The following PPP2R3A variants were observed in gnomAD, a reference collection of about 807,000 sequenced individuals.
The protein encoded by PPP2R3A is serine/threonine-protein phosphatase 2A regulatory subunit B'' subunit alpha.
In PPP2R3A, 80 loss-of-function variants were observed where a neutral mutation model predicts 106.9. The observed-to-expected ratio is 0.75, with a 90% CI of 0.62 to 0.90. The LOEUF (loss-of-function observed/expected upper bound fraction) is 0.90, where lower values mean the gene tolerates loss of function less well. Among genes scored for constraint, PPP2R3A ranks in the 40% least tolerant of loss-of-function variants. The pLI, the probability that PPP2R3A is intolerant of heterozygous loss-of-function variation, is 0.00. For synonymous variants in PPP2R3A, 483 were observed against 468.3 expected, an observed-to-expected ratio of 1.03 and a Z score of -0.41; for missense variants, 1,386 against 1,350.4, an observed-to-expected ratio of 1.03 and a Z score of -0.41.
intron 10 of PPP2R3A, 101 bp downstream of exon 10, chr3:136,090,768 C>T: frequency 1.2e-6 from 1 of 849,898 alleles, no homozygotes; most frequent in Non-Finnish European, 1.9e-6. Context: ...CTCAACGTGG[C>T]AATACTAAGA....
chr3:136,064,041 G>A (rs550968303), intron 5 of PPP2R3A, among the ~76,000 whole-genome samples: 51 of 151,860 alleles, frequency 3.4e-4, no homozygotes, highest in African/African-American at 1.2e-3. Context: ...CGATAGACTG[G>A]ATTAAGAAAA....
At chr3:136,010,966 C>G (rs1288127967) in intron 2 of PPP2R3A, among the ~76,000 whole-genome samples, 2 of 152,178 alleles carry the variant, frequency 1.3e-5, no homozygotes, top group Non-Finnish European at 2.9e-5. Context: ...TTTGTCTGCT[C>G]TTCTTCACTC....
chr3:135,988,855 A>G (rs559165956), intron 1 of PPP2R3A, among the ~76,000 whole-genome samples: 1 of 152,298 alleles, frequency 6.6e-6, no homozygotes, highest in South Asian at 2.1e-4. Flanking sequence ...TTTGGTGAGG[A>G]AATTCCATCA....
Position 136,133,627 on chromosome 3 carries a change from T to G in PPP2R3A, c.3330-11416T>G, listed in dbSNP as rs75426885. 5.7e-3 allele frequency among the ~76,000 whole-genome samples: 866 copies of G among 152,108 alleles called. 9 individuals carry two copies. The highest frequency in any genetic ancestry group is 0.02 in the African/African-American group (831 of 41,532). On this transcript the variant is annotated intron_variant, in intron 13 of 13. Transcript: ENST00000264977. ...ATAATCTCACTCCTAGAAATCTACC[T>G]AAGAGAAAAGCTCACCCAGTGTTCA... is the stretch of plus-strand genomic sequence containing the variant.
At position 136,001,645 on chromosome 3, in the gene PPP2R3A, T is replaced by C; in HGVS notation, c.147T>C (p.His49=). The C allele has an allele frequency of 6.2e-7, 1 of 1,614,172 alleles. No individual in the cohort carries two copies. The highest frequency in any genetic ancestry group is 1.3e-5 in the African/African-American group (1 of 75,054). ...GAATTGACTGCATTGTGGTACACCA[T>C]AGTGTTTGTGCAGACCTCTTGCACA... is the stretch of plus-strand genomic sequence containing the variant. ...THGIDCIVVH[H]SVCADLLHIP... The change falls in exon 2 of 14, where the codon CAT becomes CAC. Residue 49 remains histidine (H), a synonymous_variant. Transcript: ENST00000264977.
intron 1 of PPP2R3A, among the ~76,000 whole-genome samples, chr3:135,995,989 T>G (rs1032448234): frequency 6.6e-6 from 1 of 152,162 alleles, no homozygotes; most frequent in African/African-American, 2.4e-5. Flanking sequence ...TGCTATGATC[T>G]TTGGGAATTT....
In PPP2R3A at chr3:136,102,274, A is replaced by C. The variant is rs1937397145; in HGVS notation, c.3103+92A>C. The C allele has an allele frequency of 5.0e-6, 7 of 1,406,282 alleles. No homozygotes were observed. The South Asian group carries it at 9.6e-5, about 19-fold the overall frequency. 87.1% of individuals were successfully genotyped at this position (1,406,282 alleles called of 1,614,324 possible). A position where few individuals can be genotyped will look rare whatever the true frequency, so the allele number is the denominator to read the frequency against. ...ATTGTCCTAAATTATTTAACATTTC[A>C]GAGTCTTGATAGAAGACTTCCTAGG... On this transcript the variant is annotated intron_variant, in intron 11 of 13. Transcript: ENST00000264977.
chr3:136,034,302 T>A (rs976570650), intron 3 of PPP2R3A, among the ~76,000 whole-genome samples: 1 of 152,206 alleles, frequency 6.6e-6, no homozygotes, highest in East Asian at 1.9e-4. Flanking sequence ...CCCAAAGTGC[T>A]GGGATGATGG....
intron 2 of PPP2R3A, among the ~76,000 whole-genome samples, chr3:136,006,890 T>G (rs1191057386): frequency 6.6e-6 from 1 of 152,296 alleles, no homozygotes; most frequent in East Asian, 1.9e-4. Flanking sequence ...TCCTAGAGAA[T>G]ATAAAGGGAA....
intron 5 of PPP2R3A, among the ~76,000 whole-genome samples, chr3:136,059,774 A>G (rs1936013884): frequency 6.6e-6 from 1 of 152,220 alleles, no homozygotes; most frequent in African/African-American, 2.4e-5. Flanking sequence ...TGTGATATAT[A>G]TACCCTATGG....
At chr3:135,990,960 G>A (rs1933135049) in intron 1 of PPP2R3A, among the ~76,000 whole-genome samples, 2 of 152,082 alleles carry the variant, frequency 1.3e-5, no homozygotes, top group Admixed American at 6.6e-5. Flanking sequence ...GCTCCTGGAA[G>A]CCTGTCTTCA....
At chr3:136,098,477 G>T (rs1937272128) in intron 10 of PPP2R3A, among the ~76,000 whole-genome samples, 1 of 152,178 alleles carries the variant, frequency 6.6e-6, no homozygotes, top group Non-Finnish European at 1.5e-5. Context: ...TCTCCCCAAA[G>T]GAGATTTTCT....
At chr3:136,017,053 C>CT (rs1270399724) in intron 2 of PPP2R3A, among the ~76,000 whole-genome samples, 1 of 152,104 alleles carries the variant, frequency 6.6e-6, no homozygotes, top group African/African-American at 2.4e-5. Context: ...CTGAAAAAGA[C>CT]TTTATCTTTC....
chr3:136,135,326 A>G lies in PPP2R3A; in HGVS notation c.3330-9717A>G, dbSNP rs550746989. Among the ~76,000 whole-genome samples, 23 of 152,340 alleles carry G rather than the reference A, an allele frequency of 1.5e-4. No individual in the cohort carries two copies. The East Asian group carries it at 3.5e-3, about 23-fold the overall frequency. On this transcript the variant is annotated intron_variant, in intron 13 of 13. Coordinates refer to ENST00000264977, the MANE Select transcript of PPP2R3A (RefSeq NM_002718.5). ...AGGAGGCTTACAACAGCCACAGTCT[A>G]TAGAGCAAGCACTAGAATGTGAACA...
chr3:136,141,852 G>A (rs568274422), intron 13 of PPP2R3A, among the ~76,000 whole-genome samples: 14 of 152,338 alleles, frequency 9.2e-5, no homozygotes, highest in African/African-American at 1.9e-4. Flanking sequence ...AAGAGGCAGG[G>A]TTGTATCCAT....
At chr3:136,042,432 G>C (rs1008215405) in intron 4 of PPP2R3A, among the ~76,000 whole-genome samples, 4 of 152,126 alleles carry the variant, frequency 2.6e-5, no homozygotes, top group Admixed American at 2.0e-4. Context: ...GCAGCACACC[G>C]CCACAGCACG....
chr3:136,087,166 T>G (rs1179675206), intron 8 of PPP2R3A, among the ~76,000 whole-genome samples: 2 of 151,446 alleles, frequency 1.3e-5, no homozygotes, highest in Admixed American at 1.3e-4. Flanking sequence ...ATCACGCCAT[T>G]GCACTCCAGC....
At chr3:136,044,869 A>G (rs1464615198) in intron 4 of PPP2R3A, among the ~76,000 whole-genome samples, 1 of 152,166 alleles carries the variant, frequency 6.6e-6, no homozygotes, top group African/African-American at 2.4e-5. Flanking sequence ...TCTAGCTGCA[A>G]GAGATCCCAC....
intron 3 of PPP2R3A, among the ~76,000 whole-genome samples, chr3:136,039,895 AC>A (rs1187043511): frequency 6.6e-6 from 1 of 152,074 alleles, no homozygotes; most frequent in African/African-American, 2.4e-5. Flanking sequence ...AAAAATCAAT[AC>A]CTTTTAGGGT....
Sources: gnomAD v4.1 joint callset for allele counts (sites outside exome capture counted in the v4.1 genomes callset) on GRCh38, gnomAD v4.1.1 for gene constraint, MANE v1.5 for transcripts, NCBI Gene and HGNC (gene_info 2026-07-23, HGNC 2026-07-21) for gene names.